RFX3: variants seen among roughly 807,000 people sequenced by gnomAD.
RFX3 encodes the protein transcription factor RFX3.
In RFX3, 14 loss-of-function variants were observed where a neutral mutation model predicts 98.6. That is an observed-to-expected ratio of 0.14 (90% CI 0.09 to 0.22). The LOEUF (loss-of-function observed/expected upper bound fraction) is 0.22, where lower values mean the gene tolerates loss of function less well. Among genes scored for constraint, RFX3 ranks in the 10% least tolerant of loss-of-function variants. The pLI, the probability that RFX3 is intolerant of heterozygous loss-of-function variation, is 1.00. For synonymous variants in RFX3, 383 were observed against 328.4 expected (o/e 1.17, Z -1.80); for missense variants, 639 against 926.9 (o/e 0.69, Z 4.03).
At chr9:3,263,125 A>G (rs1415556425) in intron 12 of RFX3, 41 bp from the exon 13 acceptor site, 6 of 1,595,668 alleles carry the variant, frequency 3.8e-6, no homozygotes, top group Non-Finnish European at 5.1e-6. Context: ...TGTTTCCTCC[A>G]GTAAAAGAAA....
chr9:3,427,279 TATAATAC>T (rs1844156065), intron 1 of RFX3, among the ~76,000 whole-genome samples: 3 of 143,364 alleles, frequency 2.1e-5, no homozygotes, highest in Non-Finnish European at 4.6e-5. Context: ...TATTTTATTA[TATAATAC>T]TATATATAAA....
chr9:3,347,571 C>A (rs992056833), intron 2 of RFX3, among the ~76,000 whole-genome samples: 1 of 152,086 alleles, frequency 6.6e-6, no homozygotes, highest in Admixed American at 6.6e-5. Context: ...CCCCTGTAAT[C>A]CCAGCACTTT....
At chr9:3,392,457 T>A (rs1468030609) in intron 2 of RFX3, among the ~76,000 whole-genome samples, 1 of 145,868 alleles carries the variant, frequency 6.9e-6, no homozygotes, top group African/African-American at 2.5e-5. Context: ...AAAAAAGTGA[T>A]AGAAATTAAA....
In RFX3 at chr9:3,525,935, AGAGAGG is replaced by A; in HGVS notation, c.-203_-198del. ...TTGCTATAACTCACAAAAGAGAGAGAGAGAGGGAGAGAGAGAGAGAGCGAGAGGGAG... is the reference window on the plus strand; with the variant it reads ...TTGCTATAACTCACAAAAGAGAGAGAGAGAGAGAGAGAGAGCGAGAGGGAG... On this transcript the variant is annotated 5_prime_UTR_variant, in exon 1 of 17. Coordinates refer to ENST00000617270, the MANE Select transcript of RFX3 (RefSeq NM_001282116.2). The A allele has an allele frequency of 7.6e-6, 7 of 923,264 alleles. No homozygotes were observed. Among genetic ancestry groups the A allele is most frequent in the Non-Finnish European group, 7.7e-6 (6 of 779,620 alleles). 57.2% of individuals were successfully genotyped at this position (923,264 alleles called of 1,614,324 possible). A position where few individuals can be genotyped will look rare whatever the true frequency, so the allele number is the denominator to read the frequency against.
intron 4 of RFX3, among the ~76,000 whole-genome samples, chr9:3,311,926 C>T (rs1439703721): frequency 6.6e-6 from 1 of 152,076 alleles, no homozygotes; most frequent in Non-Finnish European, 1.5e-5. Flanking sequence ...CAAAACAAAC[C>T]TCTACAATGG....
intron 1 of RFX3, among the ~76,000 whole-genome samples, chr9:3,415,276 G>A (rs1034288427): frequency 6.7e-6 from 1 of 149,308 alleles, no homozygotes; most frequent in Non-Finnish European, 1.5e-5. Context: ...GTGCAGTGGT[G>A]CAATCATGAT....
intron 1 of RFX3, among the ~76,000 whole-genome samples, chr9:3,445,922 T>G (rs1244620196): frequency 6.6e-6 from 1 of 152,150 alleles, no homozygotes; most frequent in African/African-American, 2.4e-5. Context: ...AAATATTGTT[T>G]CCTTTGGTGA....
chr9:3,332,708 A>G (rs1199335431), intron 3 of RFX3, among the ~76,000 whole-genome samples: 1 of 152,198 alleles, frequency 6.6e-6, no homozygotes, highest in African/African-American at 2.4e-5. Context: ...TGCCTACATA[A>G]TCTCGAGACT....
At chr9:3,225,373 T>G in intron 16 of RFX3, 93 bp from the exon 17 acceptor site, 1 of 1,520,364 alleles carries the variant, frequency 6.6e-7, no homozygotes, top group Non-Finnish European at 8.8e-7. Flanking sequence ...TATAGGACAT[T>G]ACGAAAGCAA....
chr9:3,263,329 C>T lies in RFX3; in HGVS notation c.1456-245G>A, dbSNP rs143980874. Among the ~76,000 whole-genome samples, 690 of 152,218 alleles carry T rather than the reference C, an allele frequency of 4.5e-3. 5 individuals carry two copies. The highest frequency in any genetic ancestry group is 6.6e-3 in the Admixed American group (101 of 15,282). ...ACTCCCACATTCTTCGACATCTGAG[C>T]GTAGCATTAATTAAACTAGTCTTGC... On this transcript the variant is annotated intron_variant, in intron 12 of 16. Transcript: ENST00000617270.
At chr9:3,308,714 T>C (rs903725904) in intron 4 of RFX3, among the ~76,000 whole-genome samples, 6 of 152,170 alleles carry the variant, frequency 3.9e-5, no homozygotes, top group Admixed American at 1.3e-4. Flanking sequence ...ATGAAACCTA[T>C]TCAGAGTAAA....
At chr9:3,372,081 G>A (rs908547526) in intron 2 of RFX3, among the ~76,000 whole-genome samples, 13 of 152,054 alleles carry the variant, frequency 8.5e-5, no homozygotes, top group South Asian at 4.1e-4. Flanking sequence ...AGTGTACACC[G>A]GCCAAGCTTC....
chr9:3,330,140 A>G, intron 4 of RFX3, 119 bp downstream of exon 4: 1 of 1,026,086 alleles, frequency 9.7e-7, no homozygotes, highest in Non-Finnish European at 1.4e-6. Context: ...CAATACTAAA[A>G]CTATCCAACA....
chr9:3,403,537 T>C (rs1402924935), intron 1 of RFX3, among the ~76,000 whole-genome samples: 1 of 152,176 alleles, frequency 6.6e-6, no homozygotes, highest in Non-Finnish European at 1.5e-5. Flanking sequence ...ACTGGTAACA[T>C]ATACAGGTTG....
At chr9:3,418,500 C>A (rs1564074902) in intron 1 of RFX3, among the ~76,000 whole-genome samples, 1 of 152,182 alleles carries the variant, frequency 6.6e-6, no homozygotes, top group South Asian at 2.1e-4. Context: ...CTACCTCAGC[C>A]TCCCAAGTAG....
chr9:3,489,002 A>G (rs1850512317), intron 1 of RFX3: 1 of 496,072 alleles, frequency 2.0e-6, no homozygotes, highest in African/African-American at 2.1e-5. Context: ...CAACATGAAC[A>G]CAATTTTTAG....
At chr9:3,274,420 A>T (rs903726375) in intron 9 of RFX3, among the ~76,000 whole-genome samples, 4 of 152,182 alleles carry the variant, frequency 2.6e-5, no homozygotes, top group Non-Finnish European at 5.9e-5. Flanking sequence ...CTTTCAAAAG[A>T]AGCACTCAAG....
At chr9:3,485,677 A>G (rs1442966003) in intron 1 of RFX3, among the ~76,000 whole-genome samples, 1 of 152,222 alleles carries the variant, frequency 6.6e-6, no homozygotes, top group Admixed American at 6.5e-5. Flanking sequence ...TTTTTATCTT[A>G]GTTTATCTCT....
intron 5 of RFX3, among the ~76,000 whole-genome samples, chr9:3,299,299 T>C (rs1241060461): frequency 6.6e-6 from 1 of 151,806 alleles, no homozygotes; most frequent in African/African-American, 2.4e-5. Flanking sequence ...TTTTGATAAA[T>C]CTCAGAAACA....
Sources: gnomAD v4.1 joint callset for allele counts (sites outside exome capture counted in the v4.1 genomes callset) on GRCh38, gnomAD v4.1.1 for gene constraint, MANE v1.5 for transcripts, NCBI Gene and HGNC (gene_info 2026-07-23, HGNC 2026-07-21) for gene names.